The following CSGALNACT1 variants were observed in gnomAD, a reference collection of about 807,000 sequenced individuals.
The protein encoded by CSGALNACT1 is chondroitin sulfate N-acetylgalactosaminyltransferase 1, also known as beta4GalNAcT-1.
CSGALNACT1 carries 52 observed loss-of-function variants against 51.0 expected under a neutral mutation model. The observed-to-expected ratio is 1.02, with a 90% CI of 0.82 to 1.29. The LOEUF is 1.29. Ranked by LOEUF, CSGALNACT1 falls within the 50% of genes most tolerant of loss-of-function variation. The pLI is 0.00. For synonymous variants in CSGALNACT1, 341 were observed against 254.4 expected (o/e 1.34, Z -3.24); for missense variants, 935 against 679.2 (o/e 1.38, Z -4.19).
chr8:19,602,929 A>G (rs1011716723), upstream of CSGALNACT1, among the ~76,000 whole-genome samples: 7 of 151,718 alleles, frequency 4.6e-5, no homozygotes, highest in African/African-American at 7.3e-5. Flanking sequence ...TGTCTTTATT[A>G]TTCGAATAAC....
At chr8:19,488,654 C>A (rs551583571) in intron 4 of CSGALNACT1, among the ~76,000 whole-genome samples, 47 of 152,008 alleles carry the variant, frequency 3.1e-4, no homozygotes, top group Admixed American at 9.8e-4. Flanking sequence ...TTTCCACCAA[C>A]AAATAACAAA....
intron 3 of CSGALNACT1, among the ~76,000 whole-genome samples, chr8:19,566,127 G>A (rs923979135): frequency 6.6e-6 from 1 of 152,186 alleles, no homozygotes; most frequent in African/African-American, 2.4e-5. Context: ...ATGGCAAAAA[G>A]ATATAATAGA....
intron 1 of CSGALNACT1, among the ~76,000 whole-genome samples, chr8:19,629,906 A>T (rs140590928): frequency 6.6e-6 from 1 of 152,338 alleles, no homozygotes; most frequent in East Asian, 1.9e-4. Flanking sequence ...TCTCATTTTA[A>T]AGATGAGAAA....
chr8:19,465,522 C>G (rs2066474406), intron 4 of CSGALNACT1, among the ~76,000 whole-genome samples: 1 of 152,234 alleles, frequency 6.6e-6, no homozygotes, highest in Non-Finnish European at 1.5e-5. Flanking sequence ...ACCACCATAA[C>G]TGCTGTCCTC....
At chr8:19,606,804 T>C (rs1004691946), upstream of CSGALNACT1, among the ~76,000 whole-genome samples, 3 of 152,170 alleles carry the variant, frequency 2.0e-5, no homozygotes, top group African/African-American at 7.2e-5. Context: ...TTTAAAAAGG[T>C]ACCAGTCCAT....
At chr8:19,630,210 G>C (rs975986376) in intron 1 of CSGALNACT1, among the ~76,000 whole-genome samples, 9 of 135,032 alleles carry the variant, frequency 6.7e-5, no homozygotes, top group Admixed American at 4.3e-4. Context: ...GTGTGTGTGT[G>C]TGTGTGTGTG....
rs79170659 is a variant in CSGALNACT1 at position 19,428,978 on chromosome 8, T to C, written c.954-8460A>G. Among the ~76,000 whole-genome samples, 949 of 152,142 alleles carry C rather than the reference T, an allele frequency of 6.2e-3. 9 individuals carry two copies. The highest frequency in any genetic ancestry group is 0.022 in the African/African-American group (899 of 41,498). The stretch of plus-strand genomic sequence containing the variant: ...TCAGTGTCATTTAGTACATTCGCGA[T>C]GCTGTAAACCGTCACCTCTTTCTAG... On this transcript the variant is annotated intron_variant, in intron 6 of 9. Coordinates refer to ENST00000454498, the Ensembl canonical transcript of CSGALNACT1.
chr8:19,680,598 G>A (rs895315872), intron 1 of CSGALNACT1, among the ~76,000 whole-genome samples: 1 of 123,528 alleles, frequency 8.1e-6, no homozygotes, highest in African/African-American at 3.2e-5. Flanking sequence ...AGAGAATAGT[G>A]CAAATTTTAA....
intron 3 of CSGALNACT1, among the ~76,000 whole-genome samples, chr8:19,521,369 A>G (rs2080656057): frequency 6.6e-6 from 1 of 152,178 alleles, no homozygotes; most frequent in Non-Finnish European, 1.5e-5. Context: ...ATGAGGAGAA[A>G]AAAAAGCTAT....
At chr8:19,427,204 A>G (rs1467572823) in intron 6 of CSGALNACT1, among the ~76,000 whole-genome samples, 1 of 152,188 alleles carries the variant, frequency 6.6e-6, no homozygotes, top group Non-Finnish European at 1.5e-5. Flanking sequence ...CTAAAAGTTC[A>G]TGTGAGCATG....
At chr8:19,652,928 C>G (rs989671164) in intron 1 of CSGALNACT1, among the ~76,000 whole-genome samples, 1 of 152,086 alleles carries the variant, frequency 6.6e-6, no homozygotes, top group African/African-American at 2.4e-5. Flanking sequence ...GCTTTCCTTA[C>G]ACGCTCTTTC....
chr8:19,408,055 T>C (rs1017483231), intron 9 of CSGALNACT1, among the ~76,000 whole-genome samples: 1 of 152,108 alleles, frequency 6.6e-6, no homozygotes, highest in African/African-American at 2.4e-5. Flanking sequence ...TTCCTCCCAG[T>C]TCCCCTATTT....
At chr8:19,644,324 A>G (rs760201705) in intron 1 of CSGALNACT1, among the ~76,000 whole-genome samples, 29 of 151,868 alleles carry the variant, frequency 1.9e-4, no homozygotes, top group Admixed American at 4.6e-4. Context: ...TTCCATAATT[A>G]GTATATTTCT....
intron 3 of CSGALNACT1, among the ~76,000 whole-genome samples, chr8:19,506,860 G>C (rs920574666): frequency 1.3e-5 from 2 of 152,224 alleles, no homozygotes; most frequent in Non-Finnish European, 2.9e-5. Flanking sequence ...ACAGCCTGCA[G>C]AACTGTGAGC....
At chr8:19,691,515 T>C (rs2061321032) in intron 1 of CSGALNACT1, among the ~76,000 whole-genome samples, 1 of 152,186 alleles carries the variant, frequency 6.6e-6, no homozygotes, top group Non-Finnish European at 1.5e-5. Context: ...ACCAAACAAC[T>C]AACTCCACAG....
intron 4 of CSGALNACT1, among the ~76,000 whole-genome samples, chr8:19,500,351 G>C (rs961997030): frequency 6.6e-6 from 1 of 152,152 alleles, no homozygotes. Flanking sequence ...CCACCACTAA[G>C]GAGAATCCCC....
chr8:19,659,583 G>C (rs1275137787), intron 1 of CSGALNACT1, among the ~76,000 whole-genome samples: 1 of 152,326 alleles, frequency 6.6e-6, no homozygotes. Context: ...AATTGAATCT[G>C]CCTGGATCAC....
intron 3 of CSGALNACT1, among the ~76,000 whole-genome samples, chr8:19,578,560 T>C (rs920531978): frequency 1.3e-5 from 2 of 152,244 alleles, no homozygotes; most frequent in Non-Finnish European, 2.9e-5. Flanking sequence ...AATGATTAGA[T>C]TCTGAACTGC....
chr8:19,589,978 T>G (rs753491179), intron 3 of CSGALNACT1, among the ~76,000 whole-genome samples: 1 of 152,208 alleles, frequency 6.6e-6, no homozygotes. Flanking sequence ...GCAGACATGA[T>G]GCAATACTGC....
Sources: gnomAD v4.1 joint callset for allele counts (sites outside exome capture counted in the v4.1 genomes callset) on GRCh38, gnomAD v4.1.1 for gene constraint, MANE v1.5 for transcripts, NCBI Gene and HGNC (gene_info 2026-07-23, HGNC 2026-07-21) for gene names.